COG5: variants seen among roughly 807,000 people sequenced by gnomAD.
COG5 encodes component of oligomeric golgi complex 5, also known as conserved oligomeric Golgi complex subunit 5.
COG5 carries 86 observed loss-of-function variants against 110.4 expected under a neutral mutation model. The observed-to-expected ratio is 0.78, with a 90% CI of 0.65 to 0.93. The LOEUF is 0.93. Ranked by LOEUF, COG5 falls within the 40% of genes least tolerant of loss-of-function variation. The pLI, the probability that COG5 is intolerant of heterozygous loss-of-function variation, is 0.00. For synonymous variants in COG5, 360 were observed against 334.6 expected, an observed-to-expected ratio of 1.08 and a Z score of -0.83; for missense variants, 1,077 against 987.0, an observed-to-expected ratio of 1.09 and a Z score of -1.22.
At chr7:107,475,498 T>G in intron 6 of COG5, 5 of 561,384 alleles carry the variant, frequency 8.9e-6, no homozygotes, top group Non-Finnish European at 1.3e-5. Flanking sequence ...TGAATGTCAA[T>G]TAGATAGGTC....
At chr7:107,422,486 C>T (rs1168192529) in intron 6 of COG5, among the ~76,000 whole-genome samples, 5 of 151,868 alleles carry the variant, frequency 3.3e-5, no homozygotes, top group African/African-American at 1.2e-4. Flanking sequence ...GTGATTGTGC[C>T]ACTGTACTCC....
At chr7:107,374,286 G>C (rs1029352199) in intron 7 of COG5, among the ~76,000 whole-genome samples, 1 of 151,948 alleles carries the variant, frequency 6.6e-6, no homozygotes, top group Non-Finnish European at 1.5e-5. Flanking sequence ...ATCAAAATGA[G>C]GCAGCTGTAA....
At chr7:107,499,738 T>TA (rs1285199838) in intron 6 of COG5, among the ~76,000 whole-genome samples, 1 of 152,098 alleles carries the variant, frequency 6.6e-6, no homozygotes, top group African/African-American at 2.4e-5. Flanking sequence ...AATGGAATGT[T>TA]AAAGAGGGAA....
At chr7:107,297,292 A>G (rs1158313885) in intron 12 of COG5, among the ~76,000 whole-genome samples, 1 of 152,064 alleles carries the variant, frequency 6.6e-6, no homozygotes, top group Admixed American at 6.6e-5. Flanking sequence ...TATGCATAGC[A>G]TTTACATTGT....
intron 14 of COG5, among the ~76,000 whole-genome samples, chr7:107,263,190 C>T (rs1408497137): frequency 6.6e-6 from 1 of 152,190 alleles, no homozygotes; most frequent in African/African-American, 2.4e-5. Flanking sequence ...TCATAATCCT[C>T]CACCCATCTT....
intron 14 of COG5, among the ~76,000 whole-genome samples, chr7:107,258,825 G>A (rs796237045): frequency 8.5e-5 from 13 of 152,182 alleles, no homozygotes; most frequent in African/African-American, 3.1e-4. Context: ...GAGGAAAGGA[G>A]AGAAGAGAGA....
intron 10 of COG5, among the ~76,000 whole-genome samples, chr7:107,333,485 C>T (rs1414545297): frequency 6.6e-6 from 1 of 152,058 alleles, no homozygotes; most frequent in East Asian, 1.9e-4. Flanking sequence ...TTTACATGTA[C>T]ACTGTTCAGA....
At chr7:107,447,489 T>C (rs1584834711) in intron 6 of COG5, among the ~76,000 whole-genome samples, 1 of 152,226 alleles carries the variant, frequency 6.6e-6, no homozygotes, top group African/African-American at 2.4e-5. Context: ...CACGATAATA[T>C]ACATACGAAG....
chr7:107,327,342 A>AG (rs1379103731), intron 10 of COG5, among the ~76,000 whole-genome samples: 2 of 152,146 alleles, frequency 1.3e-5, no homozygotes, highest in Non-Finnish European at 2.9e-5. Flanking sequence ...TATAACTCCT[A>AG]GAAAAAAAAC....
At chr7:107,308,303 G>T (rs1423764417) in intron 11 of COG5, among the ~76,000 whole-genome samples, 1 of 152,104 alleles carries the variant, frequency 6.6e-6, no homozygotes, top group Non-Finnish European at 1.5e-5. Flanking sequence ...CTTACTCTTA[G>T]AGACTCTAAT....
intron 7 of COG5, among the ~76,000 whole-genome samples, chr7:107,411,577 A>G (rs1792299904): frequency 6.6e-6 from 1 of 152,114 alleles, no homozygotes; most frequent in Non-Finnish European, 1.5e-5. Flanking sequence ...GTATGTTCAC[A>G]CTGTGGTATT....
intron 10 of COG5, among the ~76,000 whole-genome samples, chr7:107,348,125 CAA>C (rs34140927): frequency 3.9e-5 from 2 of 51,244 alleles, no homozygotes. Context: ...GACTCCATCT[CAA>C]AAAAAAAAAA....
chr7:107,244,620 T>C (rs149856784), intron 17 of COG5, among the ~76,000 whole-genome samples: 161 of 150,974 alleles, frequency 1.1e-3, no homozygotes, highest in African/African-American at 3.7e-3. Flanking sequence ...CAATTAGACA[T>C]GAGGAAGAAA....
intron 6 of COG5, among the ~76,000 whole-genome samples, chr7:107,414,212 T>C (rs1404586601): frequency 6.6e-6 from 1 of 152,154 alleles, no homozygotes; most frequent in Non-Finnish European, 1.5e-5. Flanking sequence ...TAATGCCAAA[T>C]TTTGAAATAT....
intron 12 of COG5, among the ~76,000 whole-genome samples, chr7:107,292,305 G>A (rs1806238753): frequency 1.3e-5 from 2 of 152,076 alleles, no homozygotes; most frequent in African/African-American, 2.4e-5. Flanking sequence ...ACTGCTGACC[G>A]ACTGCCATGT....
intron 6 of COG5, among the ~76,000 whole-genome samples, chr7:107,455,957 C>T (rs1310575084): frequency 6.6e-6 from 1 of 151,854 alleles, no homozygotes; most frequent in African/African-American, 2.4e-5. Flanking sequence ...CCACACCTGG[C>T]TAATTTTTTT....
At chr7:107,514,914 TATCATC>T (rs1176407656) in intron 6 of COG5, among the ~76,000 whole-genome samples, 1 of 152,106 alleles carries the variant, frequency 6.6e-6, no homozygotes, top group Non-Finnish European at 1.5e-5. Flanking sequence ...CCATGGATAT[TATCATC>T]ATCATCATCA....
intron 14 of COG5, among the ~76,000 whole-genome samples, chr7:107,269,202 G>A (rs778465830): frequency 3.9e-5 from 6 of 151,964 alleles, no homozygotes; most frequent in East Asian, 1.9e-4. Context: ...TAGGCCTGGC[G>A]CGGTGGCTCA....
At chr7:107,469,467 GATT>G (rs879860732) in intron 6 of COG5, among the ~76,000 whole-genome samples, 4 of 152,026 alleles carry the variant, frequency 2.6e-5, no homozygotes, top group Non-Finnish European at 5.9e-5. Flanking sequence ...AGGTCAATCT[GATT>G]ATTATTTTGA....
Sources: gnomAD v4.1 joint callset for allele counts (sites outside exome capture counted in the v4.1 genomes callset) on GRCh38, gnomAD v4.1.1 for gene constraint, MANE v1.5 for transcripts, NCBI Gene and HGNC (gene_info 2026-07-23, HGNC 2026-07-21) for gene names.